The following NDST2 variants were observed in gnomAD, a reference collection of about 807,000 sequenced individuals.
NDST2 encodes N-deacetylase and N-sulfotransferase 2.
In NDST2, 32 loss-of-function variants were observed where a neutral mutation model predicts 86.9. The ratio of observed to expected loss-of-function variants is 0.37; its 90% CI spans 0.28 to 0.49. The LOEUF (loss-of-function observed/expected upper bound fraction) is 0.49, where lower values mean the gene tolerates loss of function less well. Ranked by LOEUF, NDST2 falls within the 20% of genes least tolerant of loss-of-function variation. The pLI is 0.97. For synonymous variants in NDST2, 409 were observed against 437.0 expected, an observed-to-expected ratio of 0.94 and a Z score of 0.80; for missense variants, 950 against 1,146.9, an observed-to-expected ratio of 0.83 and a Z score of 2.48.
intron 12 of NDST2, 41 bp downstream of exon 12, chr10:73,803,148 G>T: frequency 6.2e-7 from 1 of 1,613,754 alleles, no homozygotes; most frequent in Non-Finnish European, 8.5e-7. Context: ...GGAAGAAGAG[G>T]GGAAGGGGAA....
intron 8 of NDST2, 150 bp downstream of exon 8, chr10:73,805,437 C>A (rs958915052): frequency 8.7e-5 from 63 of 721,880 alleles, no homozygotes; most frequent in Non-Finnish European, 1.2e-4. Context: ...TCGCTTGAAC[C>A]TGGGAGGTGG....
Position 73,802,320 on chromosome 10 carries a change from C to T in NDST2, c.*131G>A. On this transcript the variant is annotated 3_prime_UTR_variant, in exon 15 of 15. Transcript: ENST00000309979. The stretch of plus-strand genomic sequence containing the variant: ...AAAAGGATACCCTTCCCTTCTCAGC[C>T]ATCTCAGGCCTGGGGGCTACTGAGG... 1 of 938,992 alleles carries T rather than the reference C, an allele frequency of 1.1e-6. No individual in the cohort carries two copies. 58.2% of individuals were successfully genotyped at this position (938,992 alleles called of 1,614,324 possible).
chr10:73,805,507 C>T, intron 8 of NDST2, 80 bp downstream of exon 8: 14 of 1,403,130 alleles, frequency 1.0e-5, no homozygotes, highest in Non-Finnish European at 1.4e-5. Flanking sequence ...GAGCGAGATT[C>T]TGTCTCAAAA....
At chr10:73,805,382 C>T (rs1187032159) in intron 8 of NDST2, among the ~76,000 whole-genome samples, 5 of 151,912 alleles carry the variant, frequency 3.3e-5, no homozygotes, top group Admixed American at 6.6e-5. Context: ...GGCGTGGTGG[C>T]GGGTGCGTGT....
In NDST2 at chr10:73,807,525, G is replaced by A. The variant is rs780166308; in HGVS notation, c.864C>T (p.Leu288=). Residue 288 remains leucine (L), a synonymous_variant, in exon 3 of 15, where the codon CTC becomes CTT. Coordinates refer to ENST00000309979, the MANE Select transcript of NDST2 (RefSeq NM_003635.4). ...CAGCATCAACGAAGATAAGTTTGTGGAGCCAGAAGGAAAGGCCATGTCCAA... is the reference window on the plus strand; with the variant it reads ...CAGCATCAACGAAGATAAGTTTGTGAAGCCAGAAGGAAAGGCCATGTCCAA... ...VLFGHGLSFW[L]HKLIFVDAVA... The A allele has an allele frequency of 2.5e-6, 4 of 1,614,200 alleles. No homozygotes were observed. Among genetic ancestry groups the A allele is most frequent in the South Asian group, 1.1e-5 (1 of 91,084 alleles).
At position 73,806,282 on chromosome 10, in the gene NDST2, C is replaced by T; in HGVS notation, c.1434+7G>A. 6.2e-7 allele frequency: 1 copy of T among 1,613,328 alleles called. No individual in the cohort carries two copies. Among genetic ancestry groups the T allele is most frequent in the Non-Finnish European group, 8.5e-7 (1 of 1,179,902 alleles). The stretch of plus-strand genomic sequence containing the variant: ...TTTGATTCAAGCCTGTATTGGGAGT[C>T]CCTCACCATAATGCCATTGTGAATG... On this transcript the variant is annotated splice_region_variant and intron_variant, in intron 6 of 14. Coordinates refer to ENST00000309979, the MANE Select transcript of NDST2 (RefSeq NM_003635.4). This position sits in a 1 kb window ranked among gnomAD's most constrained non-coding sequence, Gnocchi z 4.5.
intron 11 of NDST2, 104 bp downstream of exon 11, chr10:73,803,470 A>G (rs1413441006): frequency 1.3e-6 from 2 of 1,526,616 alleles, no homozygotes; most frequent in African/African-American, 2.7e-5. Flanking sequence ...CCAAGGCACT[A>G]GTTAAGTTTC....
Position 73,806,184 on chromosome 10 carries a change from A to G in NDST2, c.1434+105T>C. On this transcript the variant is annotated intron_variant, in intron 6 of 14. Transcript: ENST00000309979. This position sits in a 1 kb window ranked among gnomAD's most constrained non-coding sequence, Gnocchi z 4.5. ...TTCACCTTTCTACCCCCAATTATGT[A>G]CCCCCATACTTGGACTGGCAGTTGA... 1 of 1,530,672 alleles carries G rather than the reference A, an allele frequency of 6.5e-7. No homozygotes were observed. The highest frequency in any genetic ancestry group is 2.3e-5 in the East Asian group (1 of 44,324). The allele number at this position is 1,530,672 out of a possible 1,614,324, so 94.8% of individuals were successfully genotyped here. A position where few individuals can be genotyped will look rare whatever the true frequency, so the allele number is the denominator to read the frequency against.
chr10:73,806,332 C>A lies in NDST2; in HGVS notation c.1391G>T (p.Arg464Leu). ...GAAGCCACGGCGGTAGCGGGCAGGGCGGAGATGGGGATACTCCTCAGTGCT... is the reference window on the plus strand; with the variant it reads ...GAAGCCACGGCGGTAGCGGGCAGGGAGGAGATGGGGATACTCCTCAGTGCT... ...VTSTEEYPHL[R>L]PARYRRGFIH... The change falls in exon 6 of 15, where the codon CGC (arginine) becomes CTC (leucine). Residue 464 changes from arginine (R) to leucine (L), a missense_variant. By Grantham distance (102) the Arg-to-Leu change is moderately radical. Coordinates refer to ENST00000309979, the MANE Select transcript of NDST2 (RefSeq NM_003635.4). The surrounding 1 kb of genome is among the most constrained non-coding windows in gnomAD (Gnocchi z 4.5). 2 of 1,614,084 alleles carry A rather than the reference C, an allele frequency of 1.2e-6. No homozygotes were observed. Among genetic ancestry groups the A allele is most frequent in the Non-Finnish European group, 1.7e-6 (2 of 1,180,014 alleles).
chr10:73,802,795 C>A lies in NDST2; in HGVS notation c.2424-19G>T. On this transcript the variant is annotated intron_variant, in intron 13 of 14. Transcript: ENST00000309979. ...ATCAAACCTGCTCAACAGGAAGAGG[C>A]CATGAGGTGGCAGGGAAAAGAGAAA... The A allele has an allele frequency of 6.2e-7, 1 of 1,608,026 alleles. No homozygotes were observed. Among genetic ancestry groups the A allele is most frequent in the Non-Finnish European group, 8.5e-7 (1 of 1,174,580 alleles).
rs760866283 is a variant in NDST2, at chr10:73,803,063, G to T, written c.2332C>A (p.Gln778Lys). 1 of 1,614,176 alleles carries T rather than the reference G, an allele frequency of 6.2e-7. No individual in the cohort carries two copies. Among genetic ancestry groups the T allele is most frequent in the East Asian group, 2.2e-5 (1 of 44,892 alleles). The change falls in exon 13 of 15, where the codon CAA becomes AAA. Residue 778 changes from glutamine to lysine, a missense_variant. Gln to Lys is a moderately conservative substitution (Grantham distance 53). Coordinates refer to ENST00000309979, the MANE Select transcript of NDST2 (RefSeq NM_003635.4). ...GCTGCTGGGTTGGTACGCAGCTCTT[G>T]CCCATCCACAATCAGCAACTAAAAG... The part of the protein sequence containing the change: ...PSGQLLIVDG[Q>K]ELRTNPAASM...
In NDST2 at chr10:73,808,380, C is replaced by T. The variant is rs372901039; in HGVS notation, c.9G>A (p.Gln3=). The change falls in exon 3 of 15, where the codon CAG becomes CAA. Residue 3 remains glutamine, a synonymous_variant. Transcript: ENST00000309979. The surrounding 1 kb of genome is among the most constrained non-coding windows in gnomAD (Gnocchi z 4.3). ML[Q]LWKVVRPARQ... ...GAGCTGGGCGTACCACCTTCCACAA[C>T]TGGAGCATGGCGGGGGGAGGAAGGG... The T allele has an allele frequency of 1.9e-6, 3 of 1,593,176 alleles. No individual in the cohort carries two copies. In the Admixed American group the frequency reaches 5.2e-5, roughly 28 times the overall value.
Position 73,808,610 on chromosome 10 carries a change from C to T in NDST2, c.-222G>A, listed in dbSNP as rs1222310573. ...GCAACTATACAGAGTCCACTTGTCTCAGGTCACCATGGCCCCCTGGCCCAT... is the reference window on the plus strand; with the variant it reads ...GCAACTATACAGAGTCCACTTGTCTTAGGTCACCATGGCCCCCTGGCCCAT... On this transcript the variant is annotated 5_prime_UTR_variant, in exon 3 of 15. The change abolishes the stop of an existing upstream ORF in the 5' untranslated region. Transcript: ENST00000309979. This position sits in a 1 kb window ranked among gnomAD's most constrained non-coding sequence, Gnocchi z 4.3. 1.9e-6 allele frequency: 1 copy of T among 513,842 alleles called. No individual in the cohort carries two copies. Among genetic ancestry groups the T allele is most frequent in the African/African-American group, 1.9e-5 (1 of 52,840 alleles). 31.8% of individuals were successfully genotyped at this position (513,842 alleles called of 1,614,324 possible). A position where few individuals can be genotyped will look rare whatever the true frequency, so the allele number is the denominator to read the frequency against.
At chr10:73,809,906 A>AT (rs1209944712) in intron 2 of NDST2, among the ~76,000 whole-genome samples, 1 of 151,798 alleles carries the variant, frequency 6.6e-6, no homozygotes. Flanking sequence ...CTAATTTTTA[A>AT]TTTTTTTTAG....
chr10:73,803,523 CT>C (rs754927688), intron 11 of NDST2, 50 bp downstream of exon 11: 20 of 520,254 alleles, frequency 3.8e-5, no homozygotes, highest in South Asian at 2.9e-4. Context: ...TCACTGTCCC[CT>C]CCCCCCTCCC....
At chr10:73,803,833 G>T in intron 10 of NDST2, 60 bp downstream of exon 10, 1 of 1,613,710 alleles carries the variant, frequency 6.2e-7, no homozygotes, top group Non-Finnish European at 8.5e-7. Flanking sequence ...AGCTGGAATG[G>T]GGTATTTTGG....
Position 73,806,170 on chromosome 10 carries a change from AC to A in NDST2, c.1434+118del. 6.5e-7 allele frequency: 1 copy of A among 1,531,046 alleles called. No homozygotes were observed. 94.8% of individuals were successfully genotyped at this position (1,531,046 alleles called of 1,614,324 possible). A position where few individuals can be genotyped will look rare whatever the true frequency, so the allele number is the denominator to read the frequency against. Reference sequence around the variant, plus strand: ...GGTGTTAAAATTTTTTCACCTTTCTACCCCCAATTATGTACCCCCATACTTG... The same window carrying A: ...GGTGTTAAAATTTTTTCACCTTTCTACCCCAATTATGTACCCCCATACTTG... On this transcript the variant is annotated intron_variant, in intron 6 of 14. Transcript: ENST00000309979. The surrounding 1 kb of genome is among the most constrained non-coding windows in gnomAD (Gnocchi z 4.5).
chr10:73,804,632 T>C, intron 9 of NDST2, 141 bp downstream of exon 9: 1 of 420,132 alleles, frequency 2.4e-6, no homozygotes, highest in Non-Finnish European at 4.1e-6. Flanking sequence ...GTGAGACTCT[T>C]ATCTCAAAAA....
rs571304454 is a variant in NDST2, at chr10:73,802,457, C to T, written c.2646G>A (p.Leu882=). The part of the protein sequence containing the change: ...WLREELQHSS[L]G Reference sequence around the variant, plus strand: ...GGTATGGGAGGCTGGGACATCAGCCCAGACTGGAATGCTGCAGTTCTTCCC... The same window carrying T: ...GGTATGGGAGGCTGGGACATCAGCCTAGACTGGAATGCTGCAGTTCTTCCC... Residue 882 remains leucine (L), a synonymous_variant, in exon 15 of 15, where the codon CTG becomes CTA. Coordinates refer to ENST00000309979, the MANE Select transcript of NDST2 (RefSeq NM_003635.4). 4.3e-5 allele frequency: 70 copies of T among 1,612,776 alleles called. 1 individual carries two copies. The South Asian group carries it at 7.4e-4, about 17-fold the overall frequency.
Sources: allele counts gnomAD v4.1 joint callset (sites outside exome capture counted in the v4.1 genomes callset), GRCh38; gene constraint gnomAD v4.1.1; non-coding constraint Gnocchi (gnomAD v3.1); transcripts MANE v1.5; gene names NCBI Gene and HGNC (gene_info 2026-07-23, HGNC 2026-07-21).